The following TJP1 variants were observed in gnomAD, a reference collection of about 807,000 sequenced individuals.
The protein encoded by TJP1 is tight junction protein 1, also known as tight junction protein ZO-1.
A neutral mutation model predicts 194.2 loss-of-function variants in TJP1; 43 were observed. The observed-to-expected ratio is 0.22, with a 90% CI of 0.17 to 0.29. The LOEUF (loss-of-function observed/expected upper bound fraction) is 0.29, where lower values mean the gene tolerates loss of function less well. Ranked by LOEUF, TJP1 falls within the 10% of genes least tolerant of loss-of-function variation. The pLI is 1.00. For synonymous variants in TJP1, 801 were observed against 779.0 expected, an observed-to-expected ratio of 1.03 and a Z score of -0.47; for missense variants, 1,971 against 2,185.7, an observed-to-expected ratio of 0.90 and a Z score of 1.96.
intron 2 of TJP1, among the ~76,000 whole-genome samples, chr15:29,954,968 T>C (rs1336083232): frequency 6.6e-6 from 1 of 151,734 alleles, no homozygotes; most frequent in Non-Finnish European, 1.5e-5. Context: ...TAATCCCAGC[T>C]ACTCAGGAGG....
intron 8 of TJP1, among the ~76,000 whole-genome samples, chr15:29,747,483 TTAATA>T (rs2044877821): frequency 6.6e-6 from 1 of 151,988 alleles, no homozygotes; most frequent in Non-Finnish European, 1.5e-5. Flanking sequence ...AAAAATATGA[TTAATA>T]TATTATAAAT....
chr15:29,710,027 T>C (rs1010049785), intron 24 of TJP1, among the ~76,000 whole-genome samples: 23 of 151,952 alleles, frequency 1.5e-4, no homozygotes, highest in African/African-American at 5.3e-4. Flanking sequence ...GCGCCTATAG[T>C]CCCAGCTACT....
intron 2 of TJP1, among the ~76,000 whole-genome samples, chr15:29,798,680 C>A (rs2048577265): frequency 6.6e-6 from 1 of 151,916 alleles, no homozygotes; most frequent in Admixed American, 6.6e-5. Context: ...AAGTATTTAC[C>A]CAAAAGAAAT....
At chr15:29,901,626 A>G (rs1206033830) in intron 2 of TJP1, among the ~76,000 whole-genome samples, 1 of 152,202 alleles carries the variant, frequency 6.6e-6, no homozygotes, top group Non-Finnish European at 1.5e-5. Flanking sequence ...GTTCAAGACC[A>G]GCCTGGCCAA....
At chr15:29,889,438 A>C (rs1036494694) in intron 2 of TJP1, among the ~76,000 whole-genome samples, 6 of 152,218 alleles carry the variant, frequency 3.9e-5, no homozygotes, top group Non-Finnish European at 7.4e-5. Flanking sequence ...ATTAATCAAC[A>C]ATCAGTCTTA....
In TJP1 at chr15:29,766,275, T is replaced by TAAAA; in HGVS notation, c.579_580insTTTT (p.Lys194PhefsTer2). 6.2e-7 allele frequency: 1 copy of TAAAA among 1,606,918 alleles called. No individual in the cohort carries two copies. Among genetic ancestry groups the TAAAA allele is most frequent in the Non-Finnish European group, 8.5e-7 (1 of 1,178,098 alleles). ...AGTTGGCAGAGAATACCTTCATTTT[T>TAAAA]CCGGGATTTCACCAGTGTGACTTTA... On this transcript the variant is annotated frameshift_variant, in exon 5 of 28. Transcript: ENST00000614355. LOFTEE classifies it high-confidence loss of function.
intron 2 of TJP1, among the ~76,000 whole-genome samples, chr15:29,939,193 C>G (rs1273469141): frequency 6.6e-6 from 1 of 152,210 alleles, no homozygotes; most frequent in East Asian, 1.9e-4. Context: ...TGAGATGATG[C>G]TGAGGCTCAA....
chr15:29,790,506 T>C (rs138591641), intron 2 of TJP1, among the ~76,000 whole-genome samples: 2 of 152,364 alleles, frequency 1.3e-5, no homozygotes, highest in African/African-American at 4.8e-5. Context: ...AACTGGGATA[T>C]TCATAACCTC....
chr15:29,949,045 C>T (rs1384054092), intron 2 of TJP1, among the ~76,000 whole-genome samples: 5 of 149,236 alleles, frequency 3.4e-5, no homozygotes, highest in Admixed American at 2.7e-4. Flanking sequence ...CCACCATCAC[C>T]TCCGCCACCT....
chr15:29,943,422 G>A (rs767411640), intron 2 of TJP1, among the ~76,000 whole-genome samples: 1 of 152,116 alleles, frequency 6.6e-6, no homozygotes, highest in Non-Finnish European at 1.5e-5. Flanking sequence ...GAGGTCAGGA[G>A]TTTGAGACTA....
rs547582683 is a variant in TJP1 at position 29,795,032 on chromosome 15, T to C, written c.84+5614A>G. 2.0e-5 allele frequency among the ~76,000 whole-genome samples: 3 copies of C among 152,170 alleles called. No individual in the cohort carries two copies. The East Asian group carries it at 5.8e-4, about 29-fold the overall frequency. ...AATAATGAAACAAAACAAAACAGCA[T>C]TATAGAACCATCCAAAATTAAAAAT... On this transcript the variant is annotated intron_variant, in intron 2 of 27. Coordinates refer to ENST00000614355, the MANE Select transcript of TJP1 (RefSeq NM_001330239.4).
intron 2 of TJP1, among the ~76,000 whole-genome samples, chr15:29,782,399 C>A (rs148936056): frequency 4.3e-4 from 66 of 152,226 alleles, no homozygotes; most frequent in Non-Finnish European, 8.4e-4. Flanking sequence ...GCCACACATA[C>A]GACCATCTGA....
At chr15:29,872,627 G>A (rs188895730) in intron 2 of TJP1, among the ~76,000 whole-genome samples, 1 of 135,712 alleles carries the variant, frequency 7.4e-6, no homozygotes, top group South Asian at 2.7e-4. Context: ...TTCTAGGTAA[G>A]AGCTTTAAGC....
chr15:29,749,212 G>A (rs1397937461), intron 8 of TJP1, among the ~76,000 whole-genome samples: 1 of 151,810 alleles, frequency 6.6e-6, no homozygotes, highest in Non-Finnish European at 1.5e-5. Context: ...TTATCTGGAG[G>A]CTATGAGCTA....
chr15:29,816,682 A>C (rs931757904), intron 1 of TJP1, among the ~76,000 whole-genome samples: 8 of 152,178 alleles, frequency 5.3e-5, no homozygotes, highest in Non-Finnish European at 1.0e-4. Flanking sequence ...CTCAAGAAAC[A>C]ATCCCTATAT....
At chr15:29,923,505 C>A (rs1372628143) in intron 2 of TJP1, among the ~76,000 whole-genome samples, 3 of 152,094 alleles carry the variant, frequency 2.0e-5, no homozygotes, top group Admixed American at 6.5e-5. Flanking sequence ...TTGATACATG[C>A]TACAACATGG....
At chr15:29,794,740 T>G (rs2048298067) in intron 2 of TJP1, among the ~76,000 whole-genome samples, 2 of 152,126 alleles carry the variant, frequency 1.3e-5, no homozygotes, top group Admixed American at 1.3e-4. Context: ...GAAAAGGTAG[T>G]AAGGAAAAGA....
intron 2 of TJP1, among the ~76,000 whole-genome samples, chr15:29,837,559 A>AG: frequency 6.6e-6 from 1 of 152,268 alleles, no homozygotes; most frequent in South Asian, 2.1e-4. Flanking sequence ...ACTCCGTCTC[A>AG]AAAAAAATTA....
At chr15:29,727,867 A>T in intron 16 of TJP1, 70 bp downstream of exon 16, 1 of 1,350,036 alleles carries the variant, frequency 7.4e-7, no homozygotes, top group Non-Finnish European at 1.1e-6. Flanking sequence ...TCTACTTTCA[A>T]ATTAACCAAA....
Sources: allele counts gnomAD v4.1 joint callset (sites outside exome capture counted in the v4.1 genomes callset), GRCh38; gene constraint gnomAD v4.1.1; transcripts MANE v1.5; gene names NCBI Gene and HGNC (gene_info 2026-07-23, HGNC 2026-07-21).